Variants in THRB observed in about 807,000 individuals in gnomAD.
The protein encoded by THRB is nuclear receptor subfamily 1 group A member 2.
THRB carries 12 observed loss-of-function variants against 47.8 expected under a neutral mutation model. The observed-to-expected ratio is 0.25, with a 90% confidence interval of 0.16 to 0.41. The LOEUF is 0.41. THRB is among the 10% of genes least tolerant of loss of function. The pLI is 1.00. For synonymous variants in THRB, 218 were observed against 212.2 expected, an observed-to-expected ratio of 1.03 and a Z score of -0.24; for missense variants, 348 against 589.2, an observed-to-expected ratio of 0.59 and a Z score of 4.24.
intron 9 of THRB, among the ~76,000 whole-genome samples, chr3:24,131,974 G>A (rs144102388): frequency 4.6e-5 from 7 of 152,286 alleles, no homozygotes; most frequent in East Asian, 3.9e-4. Context: ...TCTGTTTCCC[G>A]AAGCCCACTT....
At chr3:24,251,746 T>A (rs1358938554) in intron 3 of THRB, among the ~76,000 whole-genome samples, 1 of 152,000 alleles carries the variant, frequency 6.6e-6, no homozygotes, top group Non-Finnish European at 1.5e-5. Flanking sequence ...GATTATTTCA[T>A]AGATAAAAAA....
intron 2 of THRB, among the ~76,000 whole-genome samples, chr3:24,330,098 G>A (rs1218768954): frequency 2.0e-5 from 3 of 152,142 alleles, no homozygotes; most frequent in African/African-American, 4.8e-5. Context: ...GAGGTCAGGA[G>A]ATCGAGACCA....
At chr3:24,191,197 CT>C (rs1212953949) in intron 4 of THRB, among the ~76,000 whole-genome samples, 1 of 151,674 alleles carries the variant, frequency 6.6e-6, no homozygotes, top group Non-Finnish European at 1.5e-5. Flanking sequence ...GCAAATTTTA[CT>C]TCCTTAAATA....
At chr3:24,337,126 T>C (rs897669207) in intron 2 of THRB, among the ~76,000 whole-genome samples, 174 bp downstream of exon 2, 1 of 152,234 alleles carries the variant, frequency 6.6e-6, no homozygotes, top group Non-Finnish European at 1.5e-5. Context: ...TTTTCTGTTA[T>C]GTTTTTAGTT....
intron 1 of THRB, among the ~76,000 whole-genome samples, chr3:24,379,632 G>A (rs954214499): frequency 6.6e-6 from 1 of 152,002 alleles, no homozygotes; most frequent in Non-Finnish European, 1.5e-5. Context: ...AAGGTGACTC[G>A]GCAAGTAGAT....
chr3:24,294,070 T>A (rs1364973752), intron 3 of THRB, among the ~76,000 whole-genome samples: 1 of 152,132 alleles, frequency 6.6e-6, no homozygotes, highest in East Asian at 1.9e-4. Context: ...ATCAACAGAG[T>A]GCATAAGTGA....
intron 2 of THRB, among the ~76,000 whole-genome samples, chr3:24,324,365 G>A (rs1191858513): frequency 6.6e-6 from 1 of 151,912 alleles, no homozygotes; most frequent in African/African-American, 2.4e-5. Flanking sequence ...GTCTACAGCA[G>A]AACAGTTCCA....
chr3:24,375,840 CT>C (rs1415428557), intron 1 of THRB, among the ~76,000 whole-genome samples: 3 of 151,986 alleles, frequency 2.0e-5, no homozygotes, highest in Non-Finnish European at 4.4e-5. Flanking sequence ...GATCCCAAGT[CT>C]TTTTCTTTTC....
At chr3:24,300,310 T>C (rs1325339647) in intron 2 of THRB, among the ~76,000 whole-genome samples, 1 of 152,206 alleles carries the variant, frequency 6.6e-6, no homozygotes, top group African/African-American at 2.4e-5. Flanking sequence ...GATTCTTGCA[T>C]GATCTACCAA....
In THRB at chr3:24,118,109, ACATC is replaced by A. The variant is rs1445991467; in HGVS notation, c.*4771_*4774del. ...GTTTATTTATGAAATAAATGTCCTT[ACATC>A]CGTGGTTCCGTCTTTTGGCAGCAGC... On this transcript the variant is annotated 3_prime_UTR_variant, in exon 11 of 11. Coordinates refer to ENST00000646209, the MANE Select transcript of THRB (RefSeq NM_001354712.2). The A allele has an allele frequency of 6.6e-6, 1 of 152,618 alleles. No individual in the cohort carries two copies. The highest frequency in any genetic ancestry group is 6.5e-5 in the Admixed American group (1 of 15,280). The allele number at this position is 152,618 out of a possible 1,614,324, so 9.5% of individuals were successfully genotyped here.
chr3:24,305,774 T>A (rs1271556744), intron 2 of THRB, among the ~76,000 whole-genome samples: 1 of 152,208 alleles, frequency 6.6e-6, no homozygotes, highest in Non-Finnish European at 1.5e-5. Flanking sequence ...TAGCTCAGTT[T>A]TTTAGATGAG....
intron 1 of THRB, among the ~76,000 whole-genome samples, chr3:24,435,688 C>G (rs966493404): frequency 1.4e-4 from 22 of 152,140 alleles, no homozygotes; most frequent in Non-Finnish European, 4.4e-5. Flanking sequence ...CTCTAGCCAC[C>G]CCCACTCAAC....
chr3:24,146,906 T>C lies in THRB; in HGVS notation c.385-84A>G, dbSNP rs894756495. ...CTGGAATTTTGTGTCCATATAACTA[T>C]GAGATGAATCGTTTTGGACCTTAAC... On this transcript the variant is annotated intron_variant, in intron 6 of 10. Transcript: ENST00000646209. 27 of 1,300,002 alleles carry C rather than the reference T, an allele frequency of 2.1e-5. No homozygotes were observed. In the East Asian group the frequency reaches 2.3e-4, roughly 11 times the overall value. 80.5% of individuals were successfully genotyped at this position (1,300,002 alleles called of 1,614,324 possible). A position where few individuals can be genotyped will look rare whatever the true frequency, so the allele number is the denominator to read the frequency against.
At chr3:24,486,330 G>A (rs1458038129) in intron 1 of THRB, 1 of 152,166 alleles carries the variant, frequency 6.6e-6, no homozygotes, top group East Asian at 1.9e-4. Flanking sequence ...GATTGCCCCA[G>A]AAGATTCCGA....
chr3:24,186,911 C>T (rs1161719487), intron 5 of THRB, among the ~76,000 whole-genome samples: 5 of 133,954 alleles, frequency 3.7e-5, no homozygotes, highest in Admixed American at 8.3e-5. Flanking sequence ...CGCCACTGCA[C>T]TCCATCCTGG....
At chr3:24,319,599 C>T (rs984203768) in intron 2 of THRB, among the ~76,000 whole-genome samples, 1 of 152,206 alleles carries the variant, frequency 6.6e-6, no homozygotes, top group African/African-American at 2.4e-5. Flanking sequence ...CATGGGCAAA[C>T]TTCAGTGTTG....
intron 1 of THRB, among the ~76,000 whole-genome samples, chr3:24,345,183 G>T (rs2062935471): frequency 6.6e-6 from 1 of 152,214 alleles, no homozygotes. Flanking sequence ...GTCATTTACT[G>T]TCCTTTTTCC....
chr3:24,424,995 T>A (rs984335019), intron 1 of THRB, among the ~76,000 whole-genome samples: 1 of 151,960 alleles, frequency 6.6e-6, no homozygotes, highest in Non-Finnish European at 1.5e-5. Context: ...ATATTTTTGG[T>A]GTAGACTTAT....
intron 6 of THRB, among the ~76,000 whole-genome samples, chr3:24,151,824 G>T (rs771988108): frequency 1.4e-4 from 21 of 152,290 alleles, no homozygotes; most frequent in Admixed American, 4.6e-4. Flanking sequence ...AAAATTAGCC[G>T]ATGGATGACC....
Sources: allele counts gnomAD v4.1 joint callset (sites outside exome capture counted in the v4.1 genomes callset), GRCh38; gene constraint gnomAD v4.1.1; transcripts MANE v1.5; gene names NCBI Gene and HGNC (gene_info 2026-07-23, HGNC 2026-07-21).